Variants in INVS observed in about 807,000 individuals in gnomAD.
The protein encoded by INVS is inversin.
In INVS, 86 loss-of-function variants were observed where a neutral mutation model predicts 108.8. That is an observed-to-expected ratio of 0.79 (90% confidence interval 0.66 to 0.95). The LOEUF (loss-of-function observed/expected upper bound fraction) is 0.95, where lower values mean the gene tolerates loss of function less well. Among genes scored for constraint, INVS ranks in the 40% least tolerant of loss-of-function variants. The pLI is 0.00. For missense variants in INVS, 1,169 were observed against 1,297.4 expected (o/e 0.90, Z 1.52); for synonymous variants, 455 against 473.5 (o/e 0.96, Z 0.51).
chr9:100,232,667 T>C (rs886918319), intron 5 of INVS, among the ~76,000 whole-genome samples: 4 of 152,186 alleles, frequency 2.6e-5, no homozygotes, highest in African/African-American at 9.7e-5. Context: ...TGATTGTAGA[T>C]GTGTGACATT....
chr9:100,280,864 G>C (rs1192466599), intron 12 of INVS, among the ~76,000 whole-genome samples: 2 of 152,272 alleles, frequency 1.3e-5, no homozygotes, highest in East Asian at 3.9e-4. Flanking sequence ...GAGGTGGGAG[G>C]ATCACTTGAG....
At chr9:100,268,038 G>A (rs985008132) in intron 11 of INVS, among the ~76,000 whole-genome samples, 3 of 152,060 alleles carry the variant, frequency 2.0e-5, no homozygotes, top group South Asian at 2.1e-4. Flanking sequence ...TCCCGATCCC[G>A]ACCCCAAGAG....
intron 3 of INVS, among the ~76,000 whole-genome samples, chr9:100,139,133 T>TTTG (rs1158734774): frequency 2.0e-5 from 3 of 152,342 alleles, no homozygotes; most frequent in Admixed American, 1.3e-4. Flanking sequence ...AAATGACTTA[T>TTTG]TTGTTGTTGT....
At chr9:100,197,525 G>A (rs891457494) in intron 3 of INVS, among the ~76,000 whole-genome samples, 5 of 152,192 alleles carry the variant, frequency 3.3e-5, no homozygotes, top group Non-Finnish European at 7.4e-5. Context: ...CACCCTCCCA[G>A]CATATGGATG....
intron 2 of INVS, chr9:100,117,764 C>T (rs1008435849): frequency 1.2e-5 from 6 of 502,898 alleles, no homozygotes; most frequent in African/African-American, 8.1e-5. Context: ...TGTATTCCTC[C>T]AAAATTCATA....
intron 3 of INVS, among the ~76,000 whole-genome samples, chr9:100,171,361 A>T (rs1829536429): frequency 1.3e-5 from 2 of 152,114 alleles, no homozygotes; most frequent in Non-Finnish European, 2.9e-5. Context: ...GCATCAGGTT[A>T]TACCATATAG....
At chr9:100,133,259 A>G (rs955122234) in intron 3 of INVS, among the ~76,000 whole-genome samples, 1 of 151,624 alleles carries the variant, frequency 6.6e-6, no homozygotes, top group African/African-American at 2.4e-5. Flanking sequence ...ATCTTCCAAA[A>G]CCCTTCTTTC....
At chr9:100,224,686 T>C (rs989718255) in intron 3 of INVS, among the ~76,000 whole-genome samples, 2 of 151,976 alleles carry the variant, frequency 1.3e-5, no homozygotes, top group African/African-American at 4.8e-5. Context: ...GTGCGATCTC[T>C]GCTCACTGCA....
In INVS at chr9:100,177,448, G is replaced by A. The variant is rs541956831; in HGVS notation, c.274-48614G>A. On this transcript the variant is annotated intron_variant, in intron 3 of 16. Coordinates refer to ENST00000262457, the MANE Select transcript of INVS (RefSeq NM_014425.5). ...ACTCTAGCTTGGTGGGGGGAGGGGC[G>A]TCCCCCATTACTGAGGCTTCAGTAG... Among the ~76,000 whole-genome samples, 272 of 152,118 alleles carry A rather than the reference G, an allele frequency of 1.8e-3. 1 individual carries two copies. The highest frequency in any genetic ancestry group is 3.6e-3 in the Admixed American group (55 of 15,264).
intron 3 of INVS, among the ~76,000 whole-genome samples, chr9:100,133,333 ACTTTATG>A (rs1167669369): frequency 1.3e-5 from 2 of 148,692 alleles, no homozygotes; most frequent in African/African-American, 5.1e-5. Flanking sequence ...TTCTACCTTT[ACTTTATG>A]TGTGTGTGTG....
chr9:100,262,946 A>G (rs1320596983), intron 10 of INVS, among the ~76,000 whole-genome samples: 1 of 151,988 alleles, frequency 6.6e-6, no homozygotes, highest in African/African-American at 2.4e-5. Flanking sequence ...AAGGGGTTTC[A>G]CCATGTTGCC....
At chr9:100,229,527 A>G (rs1831439622) in intron 4 of INVS, 133 bp from the exon 5 acceptor site, 2 of 752,692 alleles carry the variant, frequency 2.7e-6, no homozygotes, top group Non-Finnish European at 4.7e-6. Flanking sequence ...GAGACCTGAA[A>G]TCATGAAAAG....
chr9:100,109,643 A>C (rs567536764), intron 2 of INVS, among the ~76,000 whole-genome samples: 3 of 152,130 alleles, frequency 2.0e-5, no homozygotes, highest in Non-Finnish European at 4.4e-5. Context: ...TAATCTCTCT[A>C]AATCATTTCC....
chr9:100,175,395 A>G, intron 3 of INVS: 2 of 861,254 alleles, frequency 2.3e-6, no homozygotes, highest in South Asian at 1.3e-5. Flanking sequence ...GAGCACCGCA[A>G]AAAAGGAAGA....
intron 3 of INVS, among the ~76,000 whole-genome samples, chr9:100,152,458 T>C (rs1433032595): frequency 6.6e-6 from 1 of 152,218 alleles, no homozygotes; most frequent in African/African-American, 2.4e-5. Context: ...TAAAATAAAC[T>C]TCACTAATTT....
In INVS at chr9:100,161,869, C is replaced by T. The variant is rs979468690; in HGVS notation, c.273+35320C>T. On this transcript the variant is annotated intron_variant, in intron 3 of 16. Coordinates refer to ENST00000262457, the MANE Select transcript of INVS (RefSeq NM_014425.5). ...GAGAGCATACCCTACAGATAGAGAA[C>T]TTCAACTGGGAAAATTGGAAGGTCA... 7.9e-5 allele frequency among the ~76,000 whole-genome samples: 12 copies of T among 152,142 alleles called. No individual in the cohort carries two copies. In the East Asian group the frequency reaches 2.3e-3, roughly 29 times the overall value.
chr9:100,198,264 A>ATTTTTTTTTTTTTTTTTTTTT (rs66710233), intron 3 of INVS, among the ~76,000 whole-genome samples: 2 of 65,286 alleles, frequency 3.1e-5, no homozygotes, highest in African/African-American at 6.0e-5. Flanking sequence ...GAGGGCTAGA[A>ATTTTTTTTTTTTTTTTTTTTT]TTTTTTTTTT....
At chr9:100,144,312 G>A (rs571600113) in intron 3 of INVS, among the ~76,000 whole-genome samples, 65 of 152,150 alleles carry the variant, frequency 4.3e-4, no homozygotes, top group Non-Finnish European at 9.0e-4. Context: ...TTGAAGGCGA[G>A]GTTAATTAAG....
chr9:100,159,577 C>T (rs1363835024), intron 3 of INVS, among the ~76,000 whole-genome samples: 1 of 152,240 alleles, frequency 6.6e-6, no homozygotes. Context: ...CTAGAACACA[C>T]TAACACAAAT....
Sources: allele counts gnomAD v4.1 joint callset (sites outside exome capture counted in the v4.1 genomes callset), GRCh38; gene constraint gnomAD v4.1.1; transcripts MANE v1.5; gene names NCBI Gene and HGNC (gene_info 2026-07-23, HGNC 2026-07-21).